The following MIPOL1 variants were observed in gnomAD, a reference collection of about 807,000 sequenced individuals.
MIPOL1 encodes mirror-image polydactyly 1, also known as mirror-image polydactyly gene 1 protein.
In MIPOL1, 57 loss-of-function variants were observed where a neutral mutation model predicts 60.9. That is an observed-to-expected ratio of 0.94 (90% CI 0.76 to 1.17). The LOEUF is 1.17. Ranked by LOEUF, MIPOL1 falls within the 50% of genes most tolerant of loss-of-function variation. The pLI, the probability that MIPOL1 is intolerant of heterozygous loss-of-function variation, is 0.00. For missense variants in MIPOL1, 551 were observed against 511.6 expected, an observed-to-expected ratio of 1.08 and a Z score of -0.74; for synonymous variants, 179 against 168.8, an observed-to-expected ratio of 1.06 and a Z score of -0.47.
intron 11 of MIPOL1, among the ~76,000 whole-genome samples, chr14:37,480,811 C>T (rs2094851574): frequency 6.6e-6 from 1 of 151,804 alleles, no homozygotes; most frequent in African/African-American, 2.4e-5. Context: ...GAAGACTCCA[C>T]AAAAAAACAA....
intron 6 of MIPOL1, among the ~76,000 whole-genome samples, chr14:37,270,843 C>T (rs1320430508): frequency 3.9e-5 from 6 of 151,946 alleles, no homozygotes; most frequent in African/African-American, 1.4e-4. Flanking sequence ...TTACCAGTGC[C>T]TCTACCTTTC....
chr14:37,236,257 G>T (rs1971461657), intron 1 of MIPOL1, among the ~76,000 whole-genome samples: 1 of 151,856 alleles, frequency 6.6e-6, no homozygotes, highest in Admixed American at 6.6e-5. Context: ...ATCTTGCTGG[G>T]TATGAGTCAT....
chr14:37,382,300 T>G (rs1247049875), intron 10 of MIPOL1, among the ~76,000 whole-genome samples: 1 of 152,068 alleles, frequency 6.6e-6, no homozygotes. Context: ...TGAAATACTA[T>G]GAAATTTAAT....
intron 11 of MIPOL1, among the ~76,000 whole-genome samples, chr14:37,460,909 A>G (rs2094531748): frequency 6.6e-6 from 1 of 152,228 alleles, no homozygotes; most frequent in South Asian, 2.1e-4. Flanking sequence ...AATCAATATC[A>G]TTAAAATGAT....
intron 11 of MIPOL1, among the ~76,000 whole-genome samples, chr14:37,428,832 G>A (rs915582903): frequency 2.0e-5 from 3 of 152,040 alleles, no homozygotes; most frequent in Non-Finnish European, 4.4e-5. Flanking sequence ...AGAAAATGAA[G>A]TGTTGGTCTT....
chr14:37,485,668 T>G (rs2094936168), intron 11 of MIPOL1, among the ~76,000 whole-genome samples: 1 of 152,242 alleles, frequency 6.6e-6, no homozygotes, highest in South Asian at 2.1e-4. Context: ...GCCCACTTTT[T>G]GATGGGGTTG....
chr14:37,543,972 T>A (rs1354406615), intron 12 of MIPOL1, among the ~76,000 whole-genome samples: 1 of 152,220 alleles, frequency 6.6e-6, no homozygotes, highest in South Asian at 2.1e-4. Context: ...TTAATCAAGA[T>A]AAGAAATACT....
chr14:37,215,094 A>G (rs932353037), intron 1 of MIPOL1, among the ~76,000 whole-genome samples: 1 of 152,160 alleles, frequency 6.6e-6, no homozygotes, highest in Non-Finnish European at 1.5e-5. Flanking sequence ...TGAAAGTGCT[A>G]AAAGTCTCTG....
At chr14:37,272,851 A>T (rs923361092) in intron 6 of MIPOL1, among the ~76,000 whole-genome samples, 1 of 151,576 alleles carries the variant, frequency 6.6e-6, no homozygotes, top group African/African-American at 2.4e-5. Context: ...ACCATTTCAC[A>T]ATAAAAGAAA....
chr14:37,257,132 T>TGTGTGTGTGTGTG (rs1555371896), intron 3 of MIPOL1, among the ~76,000 whole-genome samples: 8 of 149,518 alleles, frequency 5.4e-5, no homozygotes, highest in South Asian at 2.1e-4. Context: ...TGTGTGTGTG[T>TGTGTGTGTGTGTG]TTGAGAAACA....
downstream of MIPOL1, chr14:37,551,357 T>C (rs1219978400): frequency 2.0e-5 from 3 of 152,096 alleles, no homozygotes; most frequent in African/African-American, 7.2e-5. Flanking sequence ...TAAAATATAT[T>C]GCAGTAAGGA....
chr14:37,304,134 T>C (rs1369972406), intron 7 of MIPOL1, among the ~76,000 whole-genome samples: 1 of 151,824 alleles, frequency 6.6e-6, no homozygotes, highest in African/African-American at 2.4e-5. Context: ...GAGTATACGA[T>C]AAAATTATAT....
chr14:37,249,002 A>G (rs890906597), intron 3 of MIPOL1, among the ~76,000 whole-genome samples: 2 of 150,608 alleles, frequency 1.3e-5, no homozygotes, highest in Admixed American at 6.6e-5. Flanking sequence ...GGATGGATGG[A>G]TGGATGGATG....
chr14:37,310,258 C>G (rs1294552409), intron 9 of MIPOL1, among the ~76,000 whole-genome samples: 3 of 152,180 alleles, frequency 2.0e-5, no homozygotes, highest in African/African-American at 7.2e-5. Flanking sequence ...AATTTACTGA[C>G]TGTACTTACC....
At chr14:37,276,988 G>C (rs947774427) in intron 6 of MIPOL1, 8 of 150,992 alleles carry the variant, frequency 5.3e-5, no homozygotes, top group African/African-American at 1.7e-4. Flanking sequence ...CTTGAGGAAA[G>C]AATATAACCA....
At chr14:37,285,240 T>A (rs1318785614) in intron 6 of MIPOL1, 78 bp from the exon 7 acceptor site, 1 of 1,479,674 alleles carries the variant, frequency 6.8e-7, no homozygotes, top group South Asian at 1.2e-5. Context: ...TAATTACTTA[T>A]GGCTTTTATT....
At chr14:37,240,391 T>C (rs554463375) in intron 1 of MIPOL1, 74 of 152,340 alleles carry the variant, frequency 4.9e-4, no homozygotes, top group African/African-American at 1.7e-3. Flanking sequence ...TTATCACAGT[T>C]GTCATTATAG....
At chr14:37,321,276 TTA>T (rs1461891398) in intron 9 of MIPOL1, among the ~76,000 whole-genome samples, 8 of 152,040 alleles carry the variant, frequency 5.3e-5, no homozygotes, top group Non-Finnish European at 8.8e-5. Flanking sequence ...TTTCTCATTA[TTA>T]TATATGTGTC....
At chr14:37,422,279 C>T (rs1252113279) in intron 10 of MIPOL1, among the ~76,000 whole-genome samples, 1 of 151,908 alleles carries the variant, frequency 6.6e-6, no homozygotes, top group African/African-American at 2.4e-5. Flanking sequence ...CGGTTGCTGC[C>T]GTTCTCCCCT....
Sources: gnomAD v4.1 joint callset for allele counts (sites outside exome capture counted in the v4.1 genomes callset) on GRCh38, gnomAD v4.1.1 for gene constraint, MANE v1.5 for transcripts, NCBI Gene and HGNC (gene_info 2026-07-23, HGNC 2026-07-21) for gene names.